SIPA1L2: variants seen among roughly 807,000 people sequenced by gnomAD.
The protein encoded by SIPA1L2 is signal-induced proliferation-associated 1-like protein 2.
In SIPA1L2, 56 loss-of-function variants were observed where a neutral mutation model predicts 163.9. The observed-to-expected ratio is 0.34, with a 90% CI of 0.28 to 0.43. The LOEUF is 0.43. SIPA1L2 is among the 20% of genes least tolerant of loss of function. The probability of loss-of-function intolerance (pLI) is 1.00; values close to 1 mark genes in which losing one functional copy is unlikely to be tolerated. For synonymous variants in SIPA1L2, 877 were observed against 865.7 expected, an observed-to-expected ratio of 1.01 and a Z score of -0.23; for missense variants, 1,974 against 2,193.5, an observed-to-expected ratio of 0.90 and a Z score of 2.00.
At chr1:232,512,313 G>C (rs568586616) in intron 3 of SIPA1L2, among the ~76,000 whole-genome samples, 2 of 152,138 alleles carry the variant, frequency 1.3e-5, no homozygotes, top group African/African-American at 2.4e-5. Flanking sequence ...ACAGTGTGGC[G>C]ATTCCTCAAG....
At chr1:232,411,724 T>A (rs1660967956) in intron 19 of SIPA1L2, among the ~76,000 whole-genome samples, 1 of 152,182 alleles carries the variant, frequency 6.6e-6, no homozygotes, top group Admixed American at 6.5e-5. Flanking sequence ...TTCTGAAACA[T>A]ATTTTTCTTT....
chr1:232,564,052 G>A (rs12403898), intron 2 of SIPA1L2, among the ~76,000 whole-genome samples: 7,059 of 123,848 alleles, frequency 0.057, 782 homozygotes, highest in East Asian at 0.49. Context: ...ATCTTGGCTC[G>A]CTGCAACTTC....
At chr1:232,557,378 G>T (rs907436538) in intron 2 of SIPA1L2, among the ~76,000 whole-genome samples, 1 of 152,086 alleles carries the variant, frequency 6.6e-6, no homozygotes, top group Non-Finnish European at 1.5e-5. Context: ...CATACAGCAG[G>T]GGTAGGTGTT....
Position 232,436,702 on chromosome 1 carries a change from T to G in SIPA1L2, c.4031+2406A>C, listed in dbSNP as rs375958686. On this transcript the variant is annotated intron_variant, in intron 15 of 22. Coordinates refer to ENST00000674635, the MANE Select transcript of SIPA1L2 (RefSeq NM_020808.5). ...GGCTTGATAGGTTGGTCCCTCGTCC[T>G]CTAATGAGTCACCTGCCTTTCACTC... Among the ~76,000 whole-genome samples the G allele has an allele frequency of 2.0e-4, 31 of 152,292 alleles. No individual in the cohort carries two copies. In the East Asian group the frequency reaches 4.4e-3, roughly 22 times the overall value.
At chr1:232,604,316 C>T (rs1429925963) in intron 1 of SIPA1L2, among the ~76,000 whole-genome samples, 2 of 152,200 alleles carry the variant, frequency 1.3e-5, no homozygotes. Context: ...CTTTTATAGT[C>T]TGTTGTATTC....
In SIPA1L2 at chr1:232,402,465, G is replaced by T; in HGVS notation, c.4949C>A (p.Ser1650Tyr). Reference sequence around the variant, plus strand: ...GACTTTCCCGGTCAGTGGTGATGGAGAACGCTCCCTAGCAAATAAGGATAG... The same window carrying T: ...GACTTTCCCGGTCAGTGGTGATGGATAACGCTCCCTAGCAAATAAGGATAG... ...KEFMDTTGER[S>Y]PSPLTGKVNQ... The change falls in exon 22 of 23, where the codon TCT becomes TAT. Residue 1650 changes from serine to tyrosine, a missense_variant. By Grantham distance (144) the Ser-to-Tyr change is moderately radical. Coordinates refer to ENST00000674635, the MANE Select transcript of SIPA1L2 (RefSeq NM_020808.5). 1 of 1,613,168 alleles carries T rather than the reference G, an allele frequency of 6.2e-7. No individual in the cohort carries two copies. Among genetic ancestry groups the T allele is most frequent in the South Asian group, 1.1e-5 (1 of 91,034 alleles).
At chr1:232,429,648 A>G (rs1160809251) in intron 16 of SIPA1L2, among the ~76,000 whole-genome samples, 1 of 152,148 alleles carries the variant, frequency 6.6e-6, no homozygotes, top group African/African-American at 2.4e-5. Context: ...CTTTTAAAAC[A>G]TTACTGAAGA....
At chr1:232,401,717 CCCAA>C (rs1265840341) in intron 22 of SIPA1L2, among the ~76,000 whole-genome samples, 1 of 152,178 alleles carries the variant, frequency 6.6e-6, no homozygotes, top group Admixed American at 6.5e-5. Context: ...TAATTTCCCT[CCCAA>C]CTGAATCCTT....
chr1:232,443,996 A>C (rs1211080767), intron 11 of SIPA1L2, among the ~76,000 whole-genome samples: 1 of 152,212 alleles, frequency 6.6e-6, no homozygotes, highest in Non-Finnish European at 1.5e-5. Context: ...ACAGCAATAC[A>C]ATTTCCGAGA....
At chr1:232,430,602 GTCC>G (rs1364876934) in intron 16 of SIPA1L2, among the ~76,000 whole-genome samples, 1 of 152,188 alleles carries the variant, frequency 6.6e-6, no homozygotes, top group African/African-American at 2.4e-5. Context: ...AGTTAGTGCA[GTCC>G]TGTATGACTG....
At chr1:232,603,803 T>A (rs1661741369) in intron 1 of SIPA1L2, among the ~76,000 whole-genome samples, 2 of 152,040 alleles carry the variant, frequency 1.3e-5, no homozygotes, top group Admixed American at 1.3e-4. Context: ...ACCAGCCACA[T>A]CATTATACCC....
chr1:232,460,652 C>G (rs1021450843), intron 10 of SIPA1L2, among the ~76,000 whole-genome samples: 1 of 152,176 alleles, frequency 6.6e-6, no homozygotes, highest in Non-Finnish European at 1.5e-5. Context: ...GTCAATGTTC[C>G]ATTAAAATGC....
intron 17 of SIPA1L2, among the ~76,000 whole-genome samples, chr1:232,427,995 T>C (rs1397505218): frequency 1.3e-5 from 2 of 152,254 alleles, no homozygotes; most frequent in African/African-American, 2.4e-5. Flanking sequence ...TCACTAGTTA[T>C]GTCCAGGAGC....
At chr1:232,415,852 G>A (rs1309143971) in intron 18 of SIPA1L2, 10 of 375,120 alleles carry the variant, frequency 2.7e-5, no homozygotes, top group Middle Eastern at 1.5e-3. Flanking sequence ...GTCAGAACAC[G>A]GGCACCACTG....
chr1:232,452,207 T>C (rs567768459), intron 10 of SIPA1L2, among the ~76,000 whole-genome samples: 8 of 152,146 alleles, frequency 5.3e-5, no homozygotes, highest in African/African-American at 1.2e-4. Context: ...TTCATACTCA[T>C]GGGCTTTCTC....
At position 232,441,312 on chromosome 1, in the gene SIPA1L2, A is replaced by G; in HGVS notation, c.3621T>C (p.Asp1207=). The G allele has an allele frequency of 6.3e-7, 1 of 1,597,034 alleles. No individual in the cohort carries two copies. The highest frequency in any genetic ancestry group is 1.1e-5 in the South Asian group (1 of 88,092). ...TTACGTGAGAAAGCTTATTGGGGGA[A>G]TCTTTGCAACTTCCATCTTTCTGCA... ...RALQKDGSCK[D]SPNKLSHIGD... is the part of the protein sequence containing the mutation. Residue 1207 remains aspartate, a synonymous_variant, in exon 14 of 23, where the codon GAT becomes GAC. Transcript: ENST00000674635.
At chr1:232,467,570 T>C (rs1460086030) in intron 8 of SIPA1L2, among the ~76,000 whole-genome samples, 1 of 152,228 alleles carries the variant, frequency 6.6e-6, no homozygotes, top group Non-Finnish European at 1.5e-5. Context: ...TTCTCTACGC[T>C]GTCAATGAGC....
chr1:232,426,427 G>A (rs1208736184), intron 17 of SIPA1L2, among the ~76,000 whole-genome samples: 1 of 152,084 alleles, frequency 6.6e-6, no homozygotes, highest in East Asian at 1.9e-4. Context: ...CTGGGAGGCA[G>A]AGGCTGGTGG....
chr1:232,599,530 C>G (rs1328969601), intron 1 of SIPA1L2, among the ~76,000 whole-genome samples: 1 of 147,894 alleles, frequency 6.8e-6, no homozygotes, highest in Non-Finnish European at 1.5e-5. Flanking sequence ...GAGAAACCCA[C>G]CAATCCACAG....
Sources: gnomAD v4.1 joint callset for allele counts (sites outside exome capture counted in the v4.1 genomes callset) on GRCh38, gnomAD v4.1.1 for gene constraint, MANE v1.5 for transcripts, NCBI Gene and HGNC (gene_info 2026-07-23, HGNC 2026-07-21) for gene names.